The following ATXN7L1 variants were observed in gnomAD, a reference collection of about 807,000 sequenced individuals.
The protein encoded by ATXN7L1 is ataxin-7-like protein 1.
In ATXN7L1, 15 loss-of-function variants were observed where a neutral mutation model predicts 70.8. The observed-to-expected ratio is 0.21, with a 90% CI of 0.14 to 0.33. ATXN7L1 has a LOEUF of 0.33. Among genes scored for constraint, ATXN7L1 ranks in the 10% least tolerant of loss-of-function variants. The pLI, the probability that ATXN7L1 is intolerant of heterozygous loss-of-function variation, is 1.00. For missense variants in ATXN7L1, 975 were observed against 1,097.1 expected, an observed-to-expected ratio of 0.89 and a Z score of 1.57; for synonymous variants, 440 against 445.1, an observed-to-expected ratio of 0.99 and a Z score of 0.14.
intron 3 of ATXN7L1, among the ~76,000 whole-genome samples, chr7:105,743,755 T>A (rs1385590164): frequency 6.6e-6 from 1 of 152,220 alleles, no homozygotes; most frequent in African/African-American, 2.4e-5. Context: ...AGACACCCTG[T>A]GGTTCATGCT....
At chr7:105,751,403 G>C (rs74503464) in intron 3 of ATXN7L1, among the ~76,000 whole-genome samples, 1 of 152,086 alleles carries the variant, frequency 6.6e-6, no homozygotes, top group Non-Finnish European at 1.5e-5. Flanking sequence ...CATGCCTGAC[G>C]GGTGAATCAC....
intron 2 of ATXN7L1, among the ~76,000 whole-genome samples, chr7:105,839,223 T>G (rs1447980159): frequency 4.0e-5 from 6 of 151,726 alleles, no homozygotes; most frequent in African/African-American, 1.5e-4. Context: ...AAGCTGTTGC[T>G]GCTGCATGAA....
intron 11 of ATXN7L1, among the ~76,000 whole-genome samples, chr7:105,610,081 T>C (rs1381025526): frequency 2.0e-5 from 3 of 152,292 alleles, no homozygotes; most frequent in African/African-American, 7.2e-5. Context: ...GCAAGTCCCT[T>C]TAATCAAATC....
At chr7:105,761,531 T>C (rs1324963574) in intron 3 of ATXN7L1, 3 of 1,582,622 alleles carry the variant, frequency 1.9e-6, no homozygotes, top group Non-Finnish European at 2.6e-6. Context: ...GGAAATTATA[T>C]TTGTAAATGA....
chr7:105,727,379 A>G (rs1483382210), intron 3 of ATXN7L1, among the ~76,000 whole-genome samples: 1 of 152,038 alleles, frequency 6.6e-6, no homozygotes, highest in East Asian at 1.9e-4. Flanking sequence ...GTTGAAAAAC[A>G]CACAGCAGGC....
chr7:105,693,747 G>A (rs916291013), intron 3 of ATXN7L1, among the ~76,000 whole-genome samples: 12 of 152,084 alleles, frequency 7.9e-5, no homozygotes, highest in South Asian at 2.1e-4. Flanking sequence ...GGCCACCAGC[G>A]CCATGGTGGT....
intron 3 of ATXN7L1, among the ~76,000 whole-genome samples, chr7:105,671,865 G>C (rs1339150518): frequency 2.8e-5 from 3 of 105,596 alleles, no homozygotes; most frequent in Non-Finnish European, 5.2e-5. Context: ...ACTCCAGCCT[G>C]AATGACAGAG....
rs561281717 is a variant in ATXN7L1 at position 105,614,665 on chromosome 7, T to C, written c.1669A>G (p.Ile557Val). ...PISSRLTSSY[I>V]MTSAMLSNAA... Reference sequence around the variant, plus strand: ...TTTGAGAGCATGGCTGATGTCATTATGTAAGAAGAGGTGAGCCTCGAGCTG... The same window carrying C: ...TTTGAGAGCATGGCTGATGTCATTACGTAAGAAGAGGTGAGCCTCGAGCTG... Residue 557 changes from isoleucine (I) to valine (V), a missense_variant, in exon 10 of 12, where the codon ATA becomes GTA. By Grantham distance (29) the Ile-to-Val change is conservative (BLOSUM62 3). Transcript: ENST00000419735. This position sits in a 1 kb window ranked among gnomAD's most constrained non-coding sequence, Gnocchi z 4.3. The C allele has an allele frequency of 1.9e-6, 3 of 1,551,634 alleles. No individual in the cohort carries two copies. The highest frequency in any genetic ancestry group is 2.4e-5 in the East Asian group (1 of 40,912).
chr7:105,873,603 C>G (rs1818599715), intron 2 of ATXN7L1, among the ~76,000 whole-genome samples: 1 of 152,188 alleles, frequency 6.6e-6, no homozygotes, highest in African/African-American at 2.4e-5. Context: ...TCAGGAATTG[C>G]TCACCCAAGT....
intron 3 of ATXN7L1, among the ~76,000 whole-genome samples, chr7:105,779,575 G>A (rs1244602103): frequency 6.6e-6 from 1 of 152,116 alleles, no homozygotes; most frequent in Non-Finnish European, 1.5e-5. Context: ...TTTTCCTAGG[G>A]TCCATCATAA....
At chr7:105,807,919 G>C (rs1446565263) in intron 2 of ATXN7L1, among the ~76,000 whole-genome samples, 4 of 152,236 alleles carry the variant, frequency 2.6e-5, no homozygotes, top group Non-Finnish European at 5.9e-5. Context: ...GGGGTGGTTT[G>C]TTGCACAGCA....
intron 2 of ATXN7L1, among the ~76,000 whole-genome samples, chr7:105,813,805 A>C (rs753027760): frequency 2.0e-5 from 3 of 151,356 alleles, no homozygotes; most frequent in Non-Finnish European, 1.5e-5. Flanking sequence ...AAGCAATTCT[A>C]TCTCTCTCTC....
chr7:105,662,063 CTTCCTTCCTTCCTTCCTTCT>C (rs1801750500), intron 4 of ATXN7L1, among the ~76,000 whole-genome samples: 1 of 85,540 alleles, frequency 1.2e-5, no homozygotes, highest in African/African-American at 3.7e-5. Flanking sequence ...TCCTTCCTTC[CTTCCTTCCTTCCTTCCTTCT>C]TTCTTTTCTT....
At chr7:105,662,187 C>G (rs147141682) in intron 4 of ATXN7L1, among the ~76,000 whole-genome samples, 5,148 of 151,280 alleles carry the variant, frequency 0.034, 121 homozygotes, top group East Asian at 0.065. Context: ...ACTGCAACCT[C>G]CAACTCCCAG....
At chr7:105,689,763 G>A (rs753010506) in intron 3 of ATXN7L1, among the ~76,000 whole-genome samples, 47 of 152,320 alleles carry the variant, frequency 3.1e-4, no homozygotes, top group Admixed American at 5.2e-4. Context: ...CAGAGCAAAT[G>A]GGGGCATGAG....
At chr7:105,798,525 G>C (rs559951898) in intron 2 of ATXN7L1, among the ~76,000 whole-genome samples, 1 of 152,198 alleles carries the variant, frequency 6.6e-6, no homozygotes, top group South Asian at 2.1e-4. Context: ...CTCACTGATT[G>C]GCTAGACAGT....
intron 2 of ATXN7L1, among the ~76,000 whole-genome samples, chr7:105,811,493 AG>A (rs1402743647): frequency 6.7e-6 from 1 of 148,790 alleles, no homozygotes; most frequent in Non-Finnish European, 1.5e-5. Flanking sequence ...AAACTATTAC[AG>A]GGGGTAAGCT....
intron 2 of ATXN7L1, among the ~76,000 whole-genome samples, chr7:105,831,690 A>G (rs945580119): frequency 6.6e-6 from 1 of 152,204 alleles, no homozygotes; most frequent in African/African-American, 2.4e-5. Context: ...GATGCCAGTA[A>G]AATTCTGGAT....
In ATXN7L1 at chr7:105,614,493, G is replaced by T. The variant is rs1793558891; in HGVS notation, c.1841C>A (p.Pro614Gln). 5 of 1,533,990 alleles carry T rather than the reference G, an allele frequency of 3.3e-6. No individual in the cohort carries two copies. Among genetic ancestry groups the T allele is most frequent in the African/African-American group, 1.4e-5 (1 of 72,620 alleles). ...TTTGGTTTTGGATGGCTTGTGGGAT[G>T]GGGAAGGGATGACGGCTGGTATCGG... is the stretch of plus-strand genomic sequence containing the variant. ...VSPIPAVIPSPSHKPSKTKTS... is the reference protein window; with the variant it reads ...VSPIPAVIPSQSHKPSKTKTS... Residue 614 changes from proline (P) to glutamine (Q), a missense_variant, in exon 10 of 12, where the codon CCA (proline) becomes CAA (glutamine). Physicochemically the swap from Pro to Gln is moderately conservative, Grantham distance 76 (BLOSUM62 -1). Around this residue, in one of 5 missense-constraint regions of ATXN7L1, gnomAD observed 635 missense variants for 699.4 expected, o/e 0.91. Transcript: ENST00000419735. This position sits in a 1 kb window ranked among gnomAD's most constrained non-coding sequence, Gnocchi z 4.3.
Sources: gnomAD v4.1 joint callset for allele counts (sites outside exome capture counted in the v4.1 genomes callset) on GRCh38, gnomAD v4.1.1 for gene constraint, gnomAD v4.1.1 regional missense constraint, Gnocchi (gnomAD v3.1) non-coding constraint, MANE v1.5 for transcripts, NCBI Gene and HGNC (gene_info 2026-07-23, HGNC 2026-07-21) for gene names.